Variants in PTPRD observed in about 807,000 individuals in gnomAD.
The protein encoded by PTPRD is protein tyrosine phosphatase receptor type D.
Under a neutral mutation model 214.5 loss-of-function variants are expected in PTPRD, and 34 were observed. The observed-to-expected ratio is 0.16, with a 90% confidence interval of 0.12 to 0.21. The LOEUF (loss-of-function observed/expected upper bound fraction) is 0.21, where lower values mean the gene tolerates loss of function less well. Ranked by LOEUF, PTPRD falls within the 10% of genes least tolerant of loss-of-function variation. The probability of loss-of-function intolerance (pLI) is 1.00; values close to 1 mark genes in which losing one functional copy is unlikely to be tolerated. For synonymous variants in PTPRD, 1,128 were observed against 845.7 expected, an observed-to-expected ratio of 1.33 and a Z score of -5.79; for missense variants, 2,545 against 2,398.7, an observed-to-expected ratio of 1.06 and a Z score of -1.27.
At chr9:9,096,587 T>A (rs58135772) in intron 10 of PTPRD, among the ~76,000 whole-genome samples, 21,778 of 152,090 alleles carry the variant, frequency 0.14, 1,771 homozygotes, top group East Asian at 0.23. Context: ...TTCTTTTTTT[T>A]AAAAATATTT....
At chr9:10,155,736 T>C (rs1400721459) in intron 3 of PTPRD, among the ~76,000 whole-genome samples, 1 of 152,194 alleles carries the variant, frequency 6.6e-6, no homozygotes, top group East Asian at 1.9e-4. Context: ...GTTTATTTGA[T>C]AAATCACATT....
intron 14 of PTPRD, among the ~76,000 whole-genome samples, chr9:8,608,929 G>A (rs1246364603): frequency 1.3e-5 from 2 of 152,100 alleles, no homozygotes; most frequent in East Asian, 3.9e-4. Flanking sequence ...ATTTTGCAGA[G>A]TGATGAGACT....
chr9:8,473,119 C>G (rs1196550731), intron 30 of PTPRD, among the ~76,000 whole-genome samples: 1 of 152,138 alleles, frequency 6.6e-6, no homozygotes. Context: ...GGTTAAAGAG[C>G]TTGTCAAACT....
chr9:10,048,068 T>C (rs2097440736), intron 3 of PTPRD, among the ~76,000 whole-genome samples: 1 of 152,182 alleles, frequency 6.6e-6, no homozygotes, highest in Non-Finnish European at 1.5e-5. Flanking sequence ...AATCCAGCCA[T>C]CTATTTCTCG....
chr9:9,510,247 T>C (rs2096668233), intron 8 of PTPRD, among the ~76,000 whole-genome samples: 1 of 150,792 alleles, frequency 6.6e-6, no homozygotes, highest in East Asian at 1.9e-4. Context: ...ATTAAAGTCA[T>C]TTTTTTTTCT....
At chr9:9,981,582 G>A (rs1018872206) in intron 4 of PTPRD, among the ~76,000 whole-genome samples, 2 of 151,624 alleles carry the variant, frequency 1.3e-5, no homozygotes, top group South Asian at 4.2e-4. Context: ...GGATGGTCTC[G>A]ATCTCCTGAC....
rs373327484 is a variant in PTPRD at position 10,330,112 on chromosome 9, G to T, written c.-545+10851C>A. Among the ~76,000 whole-genome samples, 4 of 151,602 alleles carry T rather than the reference G, an allele frequency of 2.6e-5. No individual in the cohort carries two copies. In the East Asian group the frequency reaches 7.8e-4, roughly 30 times the overall value. Reference sequence around the variant, plus strand: ...TTTCTGAGGAGGTAACTGTCAATTTGTATAACAAGAACTTGCCCTCTGTCA... The same window carrying T: ...TTTCTGAGGAGGTAACTGTCAATTTTTATAACAAGAACTTGCCCTCTGTCA... On this transcript the variant is annotated intron_variant, in intron 3 of 45. Coordinates refer to ENST00000381196, the MANE Select transcript of PTPRD (RefSeq NM_002839.4).
At chr9:10,116,116 C>T (rs534151274) in intron 3 of PTPRD, among the ~76,000 whole-genome samples, 1 of 152,132 alleles carries the variant, frequency 6.6e-6, no homozygotes, top group South Asian at 2.1e-4. Flanking sequence ...TCAACATAAA[C>T]AAAAACATAA....
intron 9 of PTPRD, among the ~76,000 whole-genome samples, chr9:9,185,387 T>C (rs1418345625): frequency 6.6e-6 from 1 of 152,032 alleles, no homozygotes; most frequent in African/African-American, 2.4e-5. Flanking sequence ...CAATGATTCC[T>C]TTTAGGCAAC....
intron 4 of PTPRD, among the ~76,000 whole-genome samples, chr9:10,012,755 G>A (rs529258186): frequency 3.3e-5 from 5 of 151,944 alleles, no homozygotes; most frequent in South Asian, 2.1e-4. Flanking sequence ...GGAAAACCCC[G>A]AGTGTGTTCT....
intron 9 of PTPRD, among the ~76,000 whole-genome samples, chr9:9,383,920 A>T (rs2140439904): frequency 6.6e-6 from 1 of 152,118 alleles, no homozygotes; most frequent in East Asian, 1.9e-4. Flanking sequence ...TGCAACAGTA[A>T]TTCAATGCTT....
chr9:9,432,573 T>C (rs976405824), intron 8 of PTPRD, among the ~76,000 whole-genome samples: 2 of 152,208 alleles, frequency 1.3e-5, no homozygotes, highest in African/African-American at 4.8e-5. Context: ...TCTCTGAAGA[T>C]CTTTTATTCT....
chr9:10,472,616 G>A (rs1465345714), intron 2 of PTPRD, among the ~76,000 whole-genome samples: 1 of 152,050 alleles, frequency 6.6e-6, no homozygotes. Flanking sequence ...GGATAACTCT[G>A]CTATGTGTAA....
At chr9:8,790,591 T>G (rs977797342) in intron 11 of PTPRD, among the ~76,000 whole-genome samples, 1 of 152,138 alleles carries the variant, frequency 6.6e-6, no homozygotes, top group African/African-American at 2.4e-5. Context: ...CACAGATACA[T>G]CTACAATGCT....
At chr9:10,362,242 C>G (rs2097406427) in intron 2 of PTPRD, among the ~76,000 whole-genome samples, 1 of 152,058 alleles carries the variant, frequency 6.6e-6, no homozygotes, top group African/African-American at 2.4e-5. Flanking sequence ...CAATTTCTCA[C>G]ACTTACATGG....
At chr9:10,059,633 T>C (rs1490583903) in intron 3 of PTPRD, among the ~76,000 whole-genome samples, 2 of 152,126 alleles carry the variant, frequency 1.3e-5, no homozygotes, top group Non-Finnish European at 2.9e-5. Flanking sequence ...TATTATTTTC[T>C]CTATTTCTTT....
intron 7 of PTPRD, among the ~76,000 whole-genome samples, chr9:9,724,844 G>C (rs2098048544): frequency 6.6e-6 from 1 of 152,118 alleles, no homozygotes; most frequent in East Asian, 1.9e-4. Flanking sequence ...AAGTGATATA[G>C]CTGGGATTTG....
chr9:8,861,484 TA>T (rs2098105056), intron 11 of PTPRD: 1 of 152,202 alleles, frequency 6.6e-6, no homozygotes, highest in African/African-American at 2.4e-5. Flanking sequence ...GGCTAGTGAT[TA>T]AAAGTTTGGA....
At chr9:8,710,787 C>G (rs2098316888) in intron 12 of PTPRD, among the ~76,000 whole-genome samples, 1 of 152,044 alleles carries the variant, frequency 6.6e-6, no homozygotes, top group Non-Finnish European at 1.5e-5. Context: ...ATTAAAAAGA[C>G]TTTATTTCTG....
Sources: gnomAD v4.1 joint callset for allele counts (sites outside exome capture counted in the v4.1 genomes callset) on GRCh38, gnomAD v4.1.1 for gene constraint, MANE v1.5 for transcripts, NCBI Gene and HGNC (gene_info 2026-07-23, HGNC 2026-07-21) for gene names.